Variants in SMG9 observed in about 807,000 individuals in gnomAD.
The protein encoded by SMG9 is SMG9 nonsense mediated mRNA decay factor, also known as nonsense-mediated mRNA decay factor SMG9.
Under a neutral mutation model 64.0 loss-of-function variants are expected in SMG9, and 55 were observed. The observed-to-expected ratio is 0.86, with a 90% confidence interval of 0.69 to 1.08. The LOEUF (loss-of-function observed/expected upper bound fraction) is 1.08, where lower values mean the gene tolerates loss of function less well. Ranked by LOEUF, SMG9 falls within the 50% of genes least tolerant of loss-of-function variation. SMG9 has a pLI of 0.00. For synonymous variants in SMG9, 244 were observed against 254.8 expected (o/e 0.96, Z 0.41); for missense variants, 554 against 681.3 (o/e 0.81, Z 2.08).
At position 43,747,746 on chromosome 19, in the gene SMG9, G is replaced by A. The variant is rs199758349; in HGVS notation, c.377C>T (p.Pro126Leu). ...ASTPEGTAPP[P>L]PAAPAPPKGE... ...CTTGGGTGGCGCAGGGGCTGCAGGGGGTGGTGGGGCGGTGCCCTCAGGGGT... is the reference window on the plus strand; with the variant it reads ...CTTGGGTGGCGCAGGGGCTGCAGGGAGTGGTGGGGCGGTGCCCTCAGGGGT... Residue 126 changes from proline (P) to leucine (L), a missense_variant, in exon 4 of 14, where the codon CCC becomes CTC. Coordinates refer to ENST00000270066, the MANE Select transcript of SMG9 (RefSeq NM_019108.4). 1.4e-4 allele frequency: 228 copies of A among 1,610,778 alleles called. 2 individuals are homozygous for A. The East Asian group carries it at 5.0e-3, about 36-fold the overall frequency.
intron 6 of SMG9, 60 bp from the exon 7 acceptor site, chr19:43,740,278 C>T (rs867630871): frequency 8.5e-6 from 10 of 1,182,510 alleles, no homozygotes; most frequent in Middle Eastern, 3.9e-4. Flanking sequence ...TGGATGCATC[C>T]GAAGTGTGAC....
At chr19:43,745,078 T>C (rs774962060) in intron 5 of SMG9, among the ~76,000 whole-genome samples, 194 bp from the exon 6 acceptor site, 1 of 152,252 alleles carries the variant, frequency 6.6e-6, no homozygotes, top group Non-Finnish European at 1.5e-5. Context: ...TGAAATGTTT[T>C]AGACACAAAC....
At chr19:43,742,029 T>A (rs556782760) in intron 6 of SMG9, among the ~76,000 whole-genome samples, 2 of 152,244 alleles carry the variant, frequency 1.3e-5, no homozygotes, top group East Asian at 3.9e-4. Flanking sequence ...ACGCCTGTAA[T>A]CCCAGCTACT....
At chr19:43,752,322 A>G (rs961525305) in intron 1 of SMG9, among the ~76,000 whole-genome samples, 1 of 152,212 alleles carries the variant, frequency 6.6e-6, no homozygotes, top group Admixed American at 6.5e-5. Flanking sequence ...GAGTTTTCCC[A>G]GCTGTTCACA....
chr19:43,747,322 C>T (rs1969045540), intron 5 of SMG9, 120 bp downstream of exon 5: 1 of 867,936 alleles, frequency 1.2e-6, no homozygotes, highest in African/African-American at 1.7e-5. Context: ...TCTGATACCA[C>T]CCCCTCTCAC....
Position 43,729,132 on chromosome 19 carries a change from A to G in SMG9, c.*2464T>C. On this transcript the variant is annotated 3_prime_UTR_variant, in exon 14 of 14. Coordinates refer to ENST00000270066, the MANE Select transcript of SMG9 (RefSeq NM_019108.4). The stretch of plus-strand genomic sequence containing the variant: ...TACTGCCAGTTTGACTCCTCTGTCA[A>G]ACTGCCTCAACGAGCCAGCCCCTGC... 3 of 715,730 alleles carry G rather than the reference A, an allele frequency of 4.2e-6. No individual in the cohort carries two copies. The South Asian group carries it at 1.9e-4, about 45-fold the overall frequency. 44.3% of individuals were successfully genotyped at this position (715,730 alleles called of 1,614,324 possible). A position where few individuals can be genotyped will look rare whatever the true frequency, so the allele number is the denominator to read the frequency against.
rs1388073961 is a variant in SMG9, at chr19:43,754,916, C to G, written c.-269G>C. On this transcript the variant is annotated 5_prime_UTR_variant, in exon 1 of 14. Transcript: ENST00000270066. ...CCGAGCTGAGATCAGTTCCCTCAGGCGACTCGTCCTGCGCATGCGCTGAGG... is the reference window on the plus strand; with the variant it reads ...CCGAGCTGAGATCAGTTCCCTCAGGGGACTCGTCCTGCGCATGCGCTGAGG... 1 of 152,312 alleles carries G rather than the reference C, an allele frequency of 6.6e-6. No individual in the cohort carries two copies. Among genetic ancestry groups the G allele is most frequent in the East Asian group, 1.9e-4 (1 of 5,198 alleles). The allele number at this position is 152,312 out of a possible 1,614,324, so 9.4% of individuals were successfully genotyped here.
At chr19:43,735,614 CAAAAAAAAAAAAAAAA>C (rs889721095) in intron 9 of SMG9, among the ~76,000 whole-genome samples, 1 of 51,532 alleles carries the variant, frequency 1.9e-5, no homozygotes, top group Non-Finnish European at 3.7e-5. Flanking sequence ...GACTCTGTCT[CAAAAAAAAAAAAAAAA>C]AAAAAAAAAT....
chr19:43,729,171 G>A lies in SMG9; in HGVS notation c.*2425C>T, dbSNP rs1368946470. 3.3e-6 allele frequency: 1 copy of A among 301,444 alleles called. No homozygotes were observed. Among genetic ancestry groups the A allele is most frequent in the Non-Finnish European group, 4.9e-6 (1 of 204,876 alleles). 18.7% of individuals were successfully genotyped at this position (301,444 alleles called of 1,614,324 possible). Reference sequence around the variant, plus strand: ...GCCAGCCCCTGCACAAAACCCTGGAGGTGGGACAGGGCCTTTGGACCAAGG... The same window carrying A: ...GCCAGCCCCTGCACAAAACCCTGGAAGTGGGACAGGGCCTTTGGACCAAGG... On this transcript the variant is annotated 3_prime_UTR_variant, in exon 14 of 14. Coordinates refer to ENST00000270066, the MANE Select transcript of SMG9 (RefSeq NM_019108.4).
intron 5 of SMG9, among the ~76,000 whole-genome samples, chr19:43,746,706 G>A (rs1599655511): frequency 6.6e-6 from 1 of 151,188 alleles, no homozygotes; most frequent in East Asian, 1.9e-4. Context: ...TATGTATGAT[G>A]ATCTAGGAAT....
At chr19:43,738,360 G>GA (rs1259377493) in intron 7 of SMG9, 143 bp from the exon 8 acceptor site, 48 of 667,790 alleles carry the variant, frequency 7.2e-5, no homozygotes, top group Non-Finnish European at 8.6e-5. Flanking sequence ...GGAAGTTAAA[G>GA]AAAAAAAACT....
At position 43,747,999 on chromosome 19, in the gene SMG9, G is replaced by A. The variant is rs770230521; in HGVS notation, c.204C>T (p.Leu68=). ...TCACCCGCTCTGCTGGAGGTTTTGA[G>A]AGGATGATGGGGGTTTTCTGCATGA... is the stretch of plus-strand genomic sequence containing the variant. ...TSVMQKTPII[L]SKPPAERSKQ... The change falls in exon 3 of 14, where the codon CTC becomes CTT. Residue 68 remains leucine (L), a synonymous_variant. Transcript: ENST00000270066. The A allele has an allele frequency of 5.6e-6, 9 of 1,614,080 alleles. 1 individual carries two copies. In the South Asian group the frequency reaches 6.6e-5, roughly 12 times the overall value.
intron 1 of SMG9, among the ~76,000 whole-genome samples, chr19:43,751,236 C>G (rs1969184793): frequency 6.6e-6 from 1 of 152,038 alleles, no homozygotes; most frequent in Non-Finnish European, 1.5e-5. Context: ...CAGATTCAAG[C>G]AATTCTCCTG....
chr19:43,738,351 G>A (rs1968741322), intron 7 of SMG9, 134 bp from the exon 8 acceptor site: 1 of 703,730 alleles, frequency 1.4e-6, no homozygotes, highest in Admixed American at 2.9e-5. Context: ...ACAGCAAAAG[G>A]AAGTTAAAGA....
intron 5 of SMG9, among the ~76,000 whole-genome samples, chr19:43,746,166 G>A (rs1028913304): frequency 6.9e-4 from 105 of 152,246 alleles, no homozygotes; most frequent in African/African-American, 2.3e-3. Context: ...GAGCGAGACC[G>A]TCTCCTAAAT....
At chr19:43,745,018 C>A in intron 5 of SMG9, 134 bp from the exon 6 acceptor site, 1 of 581,964 alleles carries the variant, frequency 1.7e-6, no homozygotes, top group Non-Finnish European at 3.1e-6. Context: ...ATAGTCCCAA[C>A]CCCTTCAACT....
At position 43,747,737 on chromosome 19, in the gene SMG9, G is replaced by A. The variant is rs1969062486; in HGVS notation, c.386C>T (p.Ala129Val). Residue 129 changes from alanine (A) to valine (V), a missense_variant, in exon 4 of 14, where the codon GCC becomes GTC. Transcript: ENST00000270066. ...CTTCTCCCCCTTGGGTGGCGCAGGG[G>A]CTGCAGGGGGTGGTGGGGCGGTGCC... ...PEGTAPPPPAAPAPPKGEKEG... is the reference protein window; with the variant it reads ...PEGTAPPPPAVPAPPKGEKEG... 1.2e-6 allele frequency: 2 copies of A among 1,610,928 alleles called. No individual in the cohort carries two copies. The highest frequency in any genetic ancestry group is 2.7e-5 in the African/African-American group (2 of 74,892).
intron 9 of SMG9, among the ~76,000 whole-genome samples, chr19:43,736,126 T>C: frequency 6.6e-6 from 1 of 152,206 alleles, no homozygotes; most frequent in East Asian, 1.9e-4. Flanking sequence ...CCTCAGCTCA[T>C]CCCTGTCCCC....
rs371284767 is a variant in SMG9 at position 43,750,690 on chromosome 19, G to C, written c.52C>G (p.Arg18Gly). 1.9e-6 allele frequency: 3 copies of C among 1,613,912 alleles called. 1 individual carries two copies. The highest frequency in any genetic ancestry group is 2.5e-6 in the Non-Finnish European group (3 of 1,179,940). The change falls in exon 2 of 14, where the codon CGA (arginine) becomes GGA (glycine). Residue 18 changes from arginine to glycine, a missense_variant. Physicochemically the swap from Arg to Gly is moderately radical, Grantham distance 125. Transcript: ENST00000270066. ...CCAGAGCCAGGCTCCTTCCACCGTC[G>C]CCGCCGCTCTATCCCATAGAGTCCA... is the stretch of plus-strand genomic sequence containing the variant. Reference protein sequence around the residue: ...QPGLYGIERRRRWKEPGSGGP... With the variant: ...QPGLYGIERRGRWKEPGSGGP...
Sources: gnomAD v4.1 joint callset for allele counts (sites outside exome capture counted in the v4.1 genomes callset) on GRCh38, gnomAD v4.1.1 for gene constraint, MANE v1.5 for transcripts, NCBI Gene and HGNC (gene_info 2026-07-23, HGNC 2026-07-21) for gene names.